Variants in LEPR observed in about 807,000 individuals in gnomAD.
LEPR encodes the protein leptin receptor, also known as OB receptor.
In LEPR, 56 loss-of-function variants were observed where a neutral mutation model predicts 114.7. That is an observed-to-expected ratio of 0.49 (90% CI 0.39 to 0.61). LEPR has a LOEUF of 0.61. Ranked by LOEUF, LEPR falls within the 20% of genes least tolerant of loss-of-function variation. LEPR has a pLI of 0.00. For synonymous variants in LEPR, 443 were observed against 461.4 expected (o/e 0.96, Z 0.51); for missense variants, 1,202 against 1,352.9 (o/e 0.89, Z 1.75).
At chr1:65,598,050 G>T (rs1295964717) in intron 7 of LEPR, among the ~76,000 whole-genome samples, 1 of 148,162 alleles carries the variant, frequency 6.7e-6, no homozygotes, top group African/African-American at 2.5e-5. Context: ...TACATTTTTG[G>T]GAAGCTGAAT....
chr1:65,458,954 C>T (rs1279778241), intron 2 of LEPR, among the ~76,000 whole-genome samples: 1 of 152,174 alleles, frequency 6.6e-6, no homozygotes, highest in Admixed American at 6.5e-5. Context: ...TTATCTCAGC[C>T]ATATCCAGTC....
At chr1:65,566,204 T>C (rs1459827754) in intron 3 of LEPR, among the ~76,000 whole-genome samples, 1 of 145,630 alleles carries the variant, frequency 6.9e-6, no homozygotes, top group African/African-American at 2.5e-5. Context: ...ATTAATTCTT[T>C]TTTTTTTTTT....
intron 5 of LEPR, among the ~76,000 whole-genome samples, chr1:65,574,472 T>C (rs1654438882): frequency 6.6e-6 from 1 of 152,286 alleles, no homozygotes; most frequent in Admixed American, 6.5e-5. Context: ...CTCATTAATA[T>C]ATGTTTTGCC....
rs114123539 is a variant in LEPR, at chr1:65,606,844, G to T, written c.1603+1607G>T. Among the ~76,000 whole-genome samples, 814 of 152,244 alleles carry T rather than the reference G, an allele frequency of 5.3e-3. 10 individuals carry two copies. Among genetic ancestry groups the T allele is most frequent in the Middle Eastern group, 0.027 (8 of 294 alleles). On this transcript the variant is annotated intron_variant, in intron 11 of 19. Transcript: ENST00000349533. ...GTTCTATGAAGAATTGAATAATCAT[G>T]ATAAACTTTACATGACGGAAAAAGT... is the stretch of plus-strand genomic sequence containing the variant.
At chr1:65,550,517 A>C (rs187534126) in intron 2 of LEPR, among the ~76,000 whole-genome samples, 102 of 152,322 alleles carry the variant, frequency 6.7e-4, no homozygotes, top group African/African-American at 2.4e-3. Flanking sequence ...AGCCTGGGCC[A>C]TGGCGGGTGC....
intron 18 of LEPR, 97 bp from the exon 19 acceptor site, chr1:65,622,809 C>T (rs1014218597): frequency 7.8e-7 from 1 of 1,282,354 alleles, no homozygotes; most frequent in Non-Finnish European, 1.1e-6. Context: ...CATAGTTGAT[C>T]TGGTGGACTA....
chr1:65,624,388 G>A (rs900800002), intron 19 of LEPR, among the ~76,000 whole-genome samples: 2 of 152,028 alleles, frequency 1.3e-5, no homozygotes, highest in African/African-American at 4.8e-5. Flanking sequence ...ATAGTGGTTC[G>A]GTAACTTGTT....
intron 2 of LEPR, among the ~76,000 whole-genome samples, chr1:65,483,609 G>A (rs1289448969): frequency 6.6e-6 from 1 of 152,166 alleles, no homozygotes; most frequent in Non-Finnish European, 1.5e-5. Context: ...GACTTGGTAT[G>A]TATGATCTGG....
chr1:65,442,874 T>C (rs1390395540), intron 2 of LEPR, among the ~76,000 whole-genome samples: 1 of 152,120 alleles, frequency 6.6e-6, no homozygotes, highest in Non-Finnish European at 1.5e-5. Context: ...AGGGTTACTA[T>C]ACAAGGGAGA....
chr1:65,616,340 C>G (rs954949178), intron 15 of LEPR, 116 bp downstream of exon 15: 37 of 1,069,364 alleles, frequency 3.5e-5, no homozygotes, highest in Non-Finnish European at 4.6e-5. Context: ...CTGAAAGTCT[C>G]TCTTTCACCT....
At position 65,500,337 on chromosome 1, in the gene LEPR, A is replaced by G. The variant is rs137899082; in HGVS notation, c.-20-65209A>G. Among the ~76,000 whole-genome samples the G allele has an allele frequency of 5.0e-3, 762 of 152,262 alleles. 6 individuals are homozygous for G. Among genetic ancestry groups the G allele is most frequent in the African/African-American group, 0.018 (731 of 41,552 alleles). The stretch of plus-strand genomic sequence containing the variant: ...CCTATGTTATATTGGCCAGTTCCTC[A>G]ATATGTTCTGAAATATTTTTCCTCC... On this transcript the variant is annotated intron_variant, in intron 2 of 19. Transcript: ENST00000349533.
chr1:65,574,908 G>A (rs1570731038), intron 5 of LEPR, among the ~76,000 whole-genome samples: 1 of 152,150 alleles, frequency 6.6e-6, no homozygotes, highest in Admixed American at 6.5e-5. Flanking sequence ...TCATTCGGGG[G>A]AGCGGAAGGA....
At chr1:65,448,871 T>C (rs142953548) in intron 2 of LEPR, among the ~76,000 whole-genome samples, 6 of 152,332 alleles carry the variant, frequency 3.9e-5, no homozygotes, top group African/African-American at 1.4e-4. Flanking sequence ...TGTAATGATG[T>C]TCCCTCTATC....
intron 2 of LEPR, among the ~76,000 whole-genome samples, chr1:65,509,171 C>A (rs552288890): frequency 6.6e-6 from 1 of 152,158 alleles, no homozygotes; most frequent in Non-Finnish European, 1.5e-5. Context: ...AATTTGGATG[C>A]CTTTTACTTC....
At chr1:65,517,235 A>G (rs1184045061) in intron 2 of LEPR, among the ~76,000 whole-genome samples, 1 of 152,220 alleles carries the variant, frequency 6.6e-6, no homozygotes, top group East Asian at 1.9e-4. Flanking sequence ...GACCTGAAAG[A>G]TTCATACACA....
intron 3 of LEPR, among the ~76,000 whole-genome samples, chr1:65,566,836 A>G (rs948645642): frequency 2.0e-5 from 3 of 152,220 alleles, no homozygotes; most frequent in African/African-American, 4.8e-5. Flanking sequence ...CATTGCAGCC[A>G]TCTGTATATT....
chr1:65,487,617 C>A (rs1373634242), intron 2 of LEPR, among the ~76,000 whole-genome samples: 4 of 151,846 alleles, frequency 2.6e-5, no homozygotes, highest in African/African-American at 9.7e-5. Flanking sequence ...ATTTACAGAC[C>A]AGCAGATGTA....
chr1:65,613,357 C>T (rs1385724530), intron 14 of LEPR, among the ~76,000 whole-genome samples: 1 of 152,094 alleles, frequency 6.6e-6, no homozygotes, highest in Non-Finnish European at 1.5e-5. Flanking sequence ...CTGGGAAAGA[C>T]TGTCAAGAGG....
At chr1:65,490,632 T>C (rs895928399) in intron 2 of LEPR, among the ~76,000 whole-genome samples, 4 of 152,138 alleles carry the variant, frequency 2.6e-5, no homozygotes, top group Non-Finnish European at 5.9e-5. Context: ...AAATGACAGC[T>C]TTTCAAGATG....
Sources: allele counts gnomAD v4.1 joint callset (sites outside exome capture counted in the v4.1 genomes callset), GRCh38; gene constraint gnomAD v4.1.1; transcripts MANE v1.5; gene names NCBI Gene and HGNC (gene_info 2026-07-23, HGNC 2026-07-21).